The following CDC14A variants were observed in gnomAD, a reference collection of about 807,000 sequenced individuals.
CDC14A encodes cell division cycle 14A.
CDC14A carries 53 observed loss-of-function variants against 74.4 expected under a neutral mutation model. The ratio of observed to expected loss-of-function variants is 0.71; its 90% CI spans 0.57 to 0.89. CDC14A has a LOEUF of 0.89. Among genes scored for constraint, CDC14A ranks in the 40% least tolerant of loss-of-function variants. The pLI is 0.00. For synonymous variants in CDC14A, 247 were observed against 258.4 expected, an observed-to-expected ratio of 0.96 and a Z score of 0.43; for missense variants, 646 against 713.7, an observed-to-expected ratio of 0.91 and a Z score of 1.08.
intron 11 of CDC14A, among the ~76,000 whole-genome samples, chr1:100,492,118 C>T (rs925310064): frequency 2.6e-5 from 4 of 152,168 alleles, no homozygotes; most frequent in Admixed American, 6.5e-5. Context: ...TCATAATTTA[C>T]AGAAATATTT....
chr1:100,472,164 C>T (rs59655232), intron 10 of CDC14A, among the ~76,000 whole-genome samples: 8,946 of 152,144 alleles, frequency 0.059, 897 homozygotes, highest in African/African-American at 0.2. Flanking sequence ...CATGAAAAGA[C>T]ATTTCATAGA....
intron 10 of CDC14A, among the ~76,000 whole-genome samples, chr1:100,477,070 A>G (rs575819312): frequency 6.6e-6 from 1 of 152,338 alleles, no homozygotes; most frequent in East Asian, 1.9e-4. Flanking sequence ...TAAATTGAAA[A>G]AGGCAAGGAA....
At chr1:100,512,794 A>T (rs1649894652) in intron 15 of CDC14A, among the ~76,000 whole-genome samples, 1 of 152,222 alleles carries the variant, frequency 6.6e-6, no homozygotes. Context: ...AAATGCACAC[A>T]CACCTTTCGA....
intron 2 of CDC14A, among the ~76,000 whole-genome samples, chr1:100,360,338 ATAGT>A (rs984396974): frequency 1.4e-5 from 2 of 139,580 alleles, no homozygotes; most frequent in African/African-American, 2.5e-5. Context: ...GTGTACATTC[ATAGT>A]TAGTTCTTTT....
intron 15 of CDC14A, among the ~76,000 whole-genome samples, chr1:100,511,933 T>C (rs1419558792): frequency 1.3e-5 from 2 of 152,180 alleles, no homozygotes; most frequent in Non-Finnish European, 2.9e-5. Flanking sequence ...GGGTCAAGTC[T>C]GGCTCCCCTG....
intron 5 of CDC14A, among the ~76,000 whole-genome samples, chr1:100,432,453 C>G (rs1460637629): frequency 6.6e-6 from 1 of 152,092 alleles, no homozygotes; most frequent in South Asian, 2.1e-4. Flanking sequence ...TCAGTCTAGT[C>G]CAAACTGAGA....
intron 4 of CDC14A, among the ~76,000 whole-genome samples, chr1:100,423,124 T>C (rs891742325): frequency 3.9e-5 from 6 of 152,198 alleles, no homozygotes; most frequent in African/African-American, 1.4e-4. Context: ...GGAATAAAAT[T>C]GAGCTCTCCC....
chr1:100,457,991 T>C (rs1666896131), intron 8 of CDC14A, among the ~76,000 whole-genome samples: 1 of 152,212 alleles, frequency 6.6e-6, no homozygotes, highest in Admixed American at 6.5e-5. Flanking sequence ...TAATAAGTTA[T>C]AAGTGTCAAA....
intron 2 of CDC14A, among the ~76,000 whole-genome samples, chr1:100,355,304 C>A (rs1031047198): frequency 1.3e-5 from 2 of 152,146 alleles, no homozygotes; most frequent in East Asian, 1.9e-4. Context: ...TCATTATGTT[C>A]AATTCTACAG....
chr1:100,518,399 A>G lies in CDC14A; in HGVS notation c.*119A>G. 1.2e-6 allele frequency: 1 copy of G among 802,026 alleles called. No individual in the cohort carries two copies. Among genetic ancestry groups the G allele is most frequent in the South Asian group, 1.5e-5 (1 of 66,398 alleles). The allele number at this position is 802,026 out of a possible 1,614,324, so 49.7% of individuals were successfully genotyped here. Reference sequence around the variant, plus strand: ...GAATATCTCTGCCTTCTTACCTTAAATTAAAAAGAGCACTAAGATAACACC... The same window carrying G: ...GAATATCTCTGCCTTCTTACCTTAAGTTAAAAAGAGCACTAAGATAACACC... On this transcript the variant is annotated 3_prime_UTR_variant, in exon 16 of 16. Transcript: ENST00000336454.
upstream of CDC14A, chr1:100,351,707 T>G: frequency 6.5e-7 from 1 of 1,533,596 alleles, no homozygotes; most frequent in East Asian, 2.4e-5. Context: ...GCATCTGTGA[T>G]GCTTTTGCGC....
chr1:100,495,421 C>T (rs1647629100), intron 12 of CDC14A, among the ~76,000 whole-genome samples: 1 of 152,206 alleles, frequency 6.6e-6, no homozygotes, highest in African/African-American at 2.4e-5. Flanking sequence ...ACTTTGAAGT[C>T]TCAAACTACT....
intron 5 of CDC14A, among the ~76,000 whole-genome samples, chr1:100,433,811 A>G (rs945699056): frequency 6.6e-6 from 1 of 152,150 alleles, no homozygotes; most frequent in African/African-American, 2.4e-5. Flanking sequence ...TATGTTGGTA[A>G]ACTGGCTCTA....
At chr1:100,351,893 C>T, upstream of CDC14A, 3 of 1,187,872 alleles carry the variant, frequency 2.5e-6, no homozygotes, top group Non-Finnish European at 3.6e-6. Context: ...AAGATGCAGA[C>T]CCCCTCAGTG....
chr1:100,377,885 C>G (rs1189436835), intron 3 of CDC14A, among the ~76,000 whole-genome samples: 1 of 152,164 alleles, frequency 6.6e-6, no homozygotes, highest in African/African-American at 2.4e-5. Flanking sequence ...AGCACAAATC[C>G]TTTTAGGCTG....
At chr1:100,374,018 T>C (rs1654873525) in intron 2 of CDC14A, among the ~76,000 whole-genome samples, 1 of 152,118 alleles carries the variant, frequency 6.6e-6, no homozygotes, top group Admixed American at 6.5e-5. Context: ...TGTATTCTCA[T>C]TGTTCAATTT....
At chr1:100,482,807 T>G (rs1669619932) in intron 10 of CDC14A, among the ~76,000 whole-genome samples, 1 of 152,076 alleles carries the variant, frequency 6.6e-6, no homozygotes, top group East Asian at 1.9e-4. Flanking sequence ...CAGAGAGAGA[T>G]ATCGAAAGAT....
intron 11 of CDC14A, among the ~76,000 whole-genome samples, chr1:100,489,609 T>C (rs919422315): frequency 5.3e-5 from 8 of 151,550 alleles, no homozygotes; most frequent in Non-Finnish European, 7.4e-5. Flanking sequence ...GTACTTCTTT[T>C]GGTACAATAT....
At chr1:100,497,801 C>A (rs1648086975) in intron 13 of CDC14A, among the ~76,000 whole-genome samples, 1 of 152,302 alleles carries the variant, frequency 6.6e-6, no homozygotes, top group Non-Finnish European at 1.5e-5. Flanking sequence ...GGATGAGGAA[C>A]TTTTCCTCTG....
Sources: allele counts gnomAD v4.1 joint callset (sites outside exome capture counted in the v4.1 genomes callset), GRCh38; gene constraint gnomAD v4.1.1; transcripts MANE v1.5; gene names NCBI Gene and HGNC (gene_info 2026-07-23, HGNC 2026-07-21).